Variants in NRG3 observed in about 807,000 individuals in gnomAD.
The protein encoded by NRG3 is pro-neuregulin-3, membrane-bound isoform.
A neutral mutation model predicts 66.9 loss-of-function variants in NRG3; 31 were observed. That is an observed-to-expected ratio of 0.46 (90% CI 0.35 to 0.63). The LOEUF is 0.63. Among genes scored for constraint, NRG3 ranks in the 20% least tolerant of loss-of-function variants. The probability of loss-of-function intolerance (pLI) is 0.00; values close to 1 mark genes in which losing one functional copy is unlikely to be tolerated. For missense variants in NRG3, 910 were observed against 878.9 expected (o/e 1.04, Z -0.45); for synonymous variants, 393 against 359.4 (o/e 1.09, Z -1.06).
At chr10:82,723,846 G>A (rs1209383864) in intron 2 of NRG3, among the ~76,000 whole-genome samples, 1 of 151,986 alleles carries the variant, frequency 6.6e-6, no homozygotes, top group African/African-American at 2.4e-5. Context: ...CAGGCATGGT[G>A]GCACACACCT....
At chr10:82,137,338 T>G (rs2069444408) in intron 1 of NRG3, among the ~76,000 whole-genome samples, 1 of 152,200 alleles carries the variant, frequency 6.6e-6, no homozygotes. Flanking sequence ...AAATTCATGC[T>G]AAGCCGAAGT....
chr10:82,938,171 A>T (rs1311020276), intron 4 of NRG3, among the ~76,000 whole-genome samples: 1 of 152,210 alleles, frequency 6.6e-6, no homozygotes. Context: ...GAAATTATAC[A>T]TGTGGCTTGC....
rs555061402 is a variant in NRG3, at chr10:82,482,868, TG to T, written c.953+124005del. Among the ~76,000 whole-genome samples the T allele has an allele frequency of 5.4e-4, 82 of 152,210 alleles. 1 individual carries two copies. Among genetic ancestry groups the T allele is most frequent in the Admixed American group, 2.7e-3 (41 of 15,292 alleles). On this transcript the variant is annotated intron_variant, in intron 2 of 8. Transcript: ENST00000372141. ...ATGATGTACCTACAGGATTACAGTGTGGGGGCAAATGAGAGAGAGTCATAAA... is the reference window on the plus strand; with the variant it reads ...ATGATGTACCTACAGGATTACAGTGTGGGGCAAATGAGAGAGAGTCATAAA...
chr10:82,133,135 T>C (rs1324635762), intron 1 of NRG3, among the ~76,000 whole-genome samples: 1 of 150,278 alleles, frequency 6.7e-6, no homozygotes, highest in African/African-American at 2.4e-5. Flanking sequence ...TCTATTTCTT[T>C]AAAATGCATC....
At chr10:82,313,861 T>TG (rs1434766732) in intron 1 of NRG3, among the ~76,000 whole-genome samples, 1 of 152,210 alleles carries the variant, frequency 6.6e-6, no homozygotes, top group Non-Finnish European at 1.5e-5. Context: ...ATGAGTAAGA[T>TG]GGAACAGTTC....
chr10:81,903,002 G>GAA (rs142245311), intron 1 of NRG3, among the ~76,000 whole-genome samples: 2 of 151,580 alleles, frequency 1.3e-5, no homozygotes, highest in Non-Finnish European at 2.9e-5. Flanking sequence ...CCATTTCACT[G>GAA]AAAAAAAAGG....
At chr10:82,733,492 T>C (rs1358146479) in intron 2 of NRG3, among the ~76,000 whole-genome samples, 1 of 152,146 alleles carries the variant, frequency 6.6e-6, no homozygotes, top group Non-Finnish European at 1.5e-5. Flanking sequence ...TTAATCATCA[T>C]GATATTAATA....
At chr10:82,982,741 A>C (rs949964690) in intron 8 of NRG3, among the ~76,000 whole-genome samples, 5 of 152,228 alleles carry the variant, frequency 3.3e-5, no homozygotes, top group African/African-American at 1.2e-4. Flanking sequence ...CAGAGCATAT[A>C]GTAATTTTGG....
rs1385003831 is a variant in NRG3, at chr10:82,987,121, G to T, written c.*1516G>T. ...ATCCAGTCTTTTTCCAATTATTGGT[G>T]GTGTTGAGTTGTTATGTTTACACTG... On this transcript the variant is annotated 3_prime_UTR_variant, in exon 9 of 9. Coordinates refer to ENST00000372141, the MANE Select transcript of NRG3 (RefSeq NM_001010848.4). 1 of 152,098 alleles carries T rather than the reference G, an allele frequency of 6.6e-6. No individual in the cohort carries two copies. The highest frequency in any genetic ancestry group is 1.9e-4 in the East Asian group (1 of 5,194). The allele number at this position is 152,098 out of a possible 1,614,324, so 9.4% of individuals were successfully genotyped here.
At chr10:82,532,571 GTA>G (rs748671397) in intron 2 of NRG3, among the ~76,000 whole-genome samples, 41 of 146,370 alleles carry the variant, frequency 2.8e-4, no homozygotes, top group Non-Finnish European at 4.6e-4. Flanking sequence ...TACTATATAT[GTA>G]TATATGTATA....
chr10:82,079,265 G>A (rs1015936633), intron 1 of NRG3, among the ~76,000 whole-genome samples: 8 of 151,530 alleles, frequency 5.3e-5, no homozygotes, highest in African/African-American at 1.7e-4. Context: ...GGCTGGTCTC[G>A]AACTCCAGGT....
At chr10:82,704,014 T>A (rs1453273711) in intron 2 of NRG3, among the ~76,000 whole-genome samples, 1 of 152,174 alleles carries the variant, frequency 6.6e-6, no homozygotes, top group Admixed American at 6.6e-5. Context: ...ACAAACCTTC[T>A]ACCCACAAAG....
intron 2 of NRG3, among the ~76,000 whole-genome samples, chr10:82,622,359 C>G (rs184485000): frequency 2.0e-4 from 31 of 151,974 alleles, no homozygotes; most frequent in Middle Eastern, 3.4e-3. Flanking sequence ...GTGGGAAAGA[C>G]GCAAAGATAA....
At chr10:82,954,499 C>T (rs775490585) in intron 5 of NRG3, among the ~76,000 whole-genome samples, 13 of 151,732 alleles carry the variant, frequency 8.6e-5, no homozygotes, top group Non-Finnish European at 1.8e-4. Flanking sequence ...GAGCACCAAG[C>T]GGGACATTGT....
chr10:82,191,446 G>C (rs2074136051), intron 1 of NRG3, among the ~76,000 whole-genome samples: 3 of 151,982 alleles, frequency 2.0e-5, no homozygotes, highest in Non-Finnish European at 2.9e-5. Flanking sequence ...CTTTCCCACT[G>C]TTCAGCCATG....
intron 2 of NRG3, among the ~76,000 whole-genome samples, chr10:82,618,141 A>T (rs2048788200): frequency 6.6e-6 from 1 of 152,146 alleles, no homozygotes; most frequent in African/African-American, 2.4e-5. Flanking sequence ...ACTGCAATTG[A>T]GTTTTATTAC....
intron 1 of NRG3, among the ~76,000 whole-genome samples, chr10:81,946,432 A>G (rs1848846870): frequency 6.6e-6 from 1 of 152,172 alleles, no homozygotes; most frequent in Non-Finnish European, 1.5e-5. Context: ...TGGTTTTATT[A>G]AGAAAAAGAA....
chr10:82,774,828 T>C (rs1036377763), intron 3 of NRG3, among the ~76,000 whole-genome samples: 8 of 137,824 alleles, frequency 5.8e-5, no homozygotes, highest in Admixed American at 1.4e-4. Flanking sequence ...TTTCTTTTTT[T>C]TTTTTTTTTT....
intron 3 of NRG3, among the ~76,000 whole-genome samples, chr10:82,782,303 C>A (rs1205921091): frequency 2.6e-5 from 4 of 152,112 alleles, no homozygotes; most frequent in Admixed American, 2.0e-4. Context: ...TCAGCCCCTT[C>A]CCTTGTTCCT....
Sources: allele counts gnomAD v4.1 joint callset (sites outside exome capture counted in the v4.1 genomes callset), GRCh38; gene constraint gnomAD v4.1.1; transcripts MANE v1.5; gene names NCBI Gene and HGNC (gene_info 2026-07-23, HGNC 2026-07-21).